Variants in PPP1R42 observed in about 807,000 individuals in gnomAD.
The protein encoded by PPP1R42 is protein phosphatase 1 regulatory subunit 42.
Under a neutral mutation model 31.0 loss-of-function variants are expected in PPP1R42, and 34 were observed. The ratio of observed to expected loss-of-function variants is 1.10; its 90% CI spans 0.83 to 1.46. The LOEUF (loss-of-function observed/expected upper bound fraction) is 1.46. PPP1R42 is among the 40% of genes most tolerant of loss of function. The probability of loss-of-function intolerance (pLI) is 0.00; values close to 1 mark genes in which losing one functional copy is unlikely to be tolerated. For missense variants in PPP1R42, 268 were observed against 303.0 expected, an observed-to-expected ratio of 0.88 and a Z score of 0.86; for synonymous variants, 103 against 109.8, an observed-to-expected ratio of 0.94 and a Z score of 0.39.
chr8:67,002,712 T>C (rs2129536621), intron 5 of PPP1R42, among the ~76,000 whole-genome samples: 1 of 150,784 alleles, frequency 6.6e-6, no homozygotes, highest in Non-Finnish European at 1.5e-5. Flanking sequence ...GCTTGCTCTG[T>C]TGCCCCCGCT....
At chr8:67,020,430 A>G (rs1816179723) in intron 1 of PPP1R42, among the ~76,000 whole-genome samples, 1 of 151,998 alleles carries the variant, frequency 6.6e-6, no homozygotes, top group South Asian at 2.1e-4. Context: ...CGAACTCCTG[A>G]CCTCAGGTGA....
At chr8:66,978,818 T>C (rs1165046296) in intron 7 of PPP1R42, among the ~76,000 whole-genome samples, 1 of 152,228 alleles carries the variant, frequency 6.6e-6, no homozygotes, top group Non-Finnish European at 1.5e-5. Context: ...TTAAGTGATA[T>C]TGGGCATATC....
chr8:67,003,098 G>A (rs1478167507), intron 5 of PPP1R42, among the ~76,000 whole-genome samples: 2 of 148,890 alleles, frequency 1.3e-5, no homozygotes, highest in African/African-American at 4.9e-5. Context: ...CCCCGGAGGC[G>A]GAGGTTGCAG....
At chr8:66,984,493 G>T in intron 6 of PPP1R42, 1 of 1,234,790 alleles carries the variant, frequency 8.1e-7, no homozygotes, top group Non-Finnish European at 1.2e-6. Flanking sequence ...CAGTTGCCCA[G>T]CATTGGCCTC....
At position 66,986,018 on chromosome 8, in the gene PPP1R42, C is replaced by G. The variant is rs920471166; in HGVS notation, c.670+2382G>C. On this transcript the variant is annotated intron_variant, in intron 6 of 7. Transcript: ENST00000685739. ...AATGCCTAGAGCTTCCGCCTTCCTCCTACAGCCTCAGTTTGTCCACAAATC... is the reference window on the plus strand; with the variant it reads ...AATGCCTAGAGCTTCCGCCTTCCTCGTACAGCCTCAGTTTGTCCACAAATC... The G allele has an allele frequency of 4.0e-6, 3 of 749,406 alleles. No individual in the cohort carries two copies. The African/African-American group carries it at 5.1e-5, about 13-fold the overall frequency. The allele number at this position is 749,406 out of a possible 1,614,324, so 46.4% of individuals were successfully genotyped here.
intron 3 of PPP1R42, among the ~76,000 whole-genome samples, chr8:67,014,019 G>A (rs1815924339): frequency 6.6e-6 from 1 of 152,178 alleles, no homozygotes; most frequent in Non-Finnish European, 1.5e-5. Context: ...GATGGTATGA[G>A]ATATATGATT....
chr8:66,988,632 G>A lies in PPP1R42; in HGVS notation c.553-115C>T, dbSNP rs978096246. 1.8e-5 allele frequency: 16 copies of A among 890,802 alleles called. No individual in the cohort carries two copies. In the African/African-American group the frequency reaches 2.6e-4, roughly 14 times the overall value. 55.2% of individuals were successfully genotyped at this position (890,802 alleles called of 1,614,324 possible). ...TGCTTTCATGGAGTTCTAGCTCAGA[G>A]CCAGGTACTTAGAAGGTGCATAATA... is the stretch of plus-strand genomic sequence containing the variant. On this transcript the variant is annotated intron_variant, in intron 5 of 7. Transcript: ENST00000685739.
In PPP1R42 at chr8:67,017,664, C is replaced by A; in HGVS notation, c.84G>T (p.Lys28Asn). The A allele has an allele frequency of 6.3e-7, 1 of 1,592,548 alleles. No homozygotes were observed. Among genetic ancestry groups the A allele is most frequent in the Non-Finnish European group, 8.5e-7 (1 of 1,170,164 alleles). Reference sequence around the variant, plus strand: ...CTGAAAAATTTATATGAGTTATTTTCTTCAGGCACTGTGAAATGGTTTCTT... The same window carrying A: ...CTGAAAAATTTATATGAGTTATTTTATTCAGGCACTGTGAAATGGTTTCTT... ...RKEETISQCL[K>N]KITHINFSDK... The change falls in exon 2 of 8, where the codon AAG becomes AAT. Residue 28 changes from lysine (K) to asparagine (N), a missense_variant. Coordinates refer to ENST00000685739, the MANE Select transcript of PPP1R42 (RefSeq NM_001364910.1).
chr8:66,970,778 A>C, intron 7 of PPP1R42: 1 of 569,270 alleles, frequency 1.8e-6, no homozygotes, highest in South Asian at 1.5e-5. Context: ...TTCTGGAAAC[A>C]CCCCTTCCCA....
rs1015786711 is a variant in PPP1R42 at position 66,987,980 on chromosome 8, C to T, written c.670+420G>A. Among the ~76,000 whole-genome samples the T allele has an allele frequency of 2.0e-5, 3 of 152,080 alleles. No homozygotes were observed. The South Asian group carries it at 6.2e-4, about 31-fold the overall frequency. ...CTCTCCTATCAAACGAAAGGGATTC[C>T]TGTATGTTCTTAGGGTAACATTTGG... On this transcript the variant is annotated intron_variant, in intron 6 of 7. Coordinates refer to ENST00000685739, the MANE Select transcript of PPP1R42 (RefSeq NM_001364910.1).
chr8:67,002,463 T>C (rs1213059243), intron 5 of PPP1R42, among the ~76,000 whole-genome samples: 1 of 152,158 alleles, frequency 6.6e-6, no homozygotes, highest in Non-Finnish European at 1.5e-5. Flanking sequence ...CCTCCCAAAG[T>C]GTTGGGATTA....
chr8:66,977,235 C>T (rs182838111), intron 7 of PPP1R42, among the ~76,000 whole-genome samples: 7 of 151,848 alleles, frequency 4.6e-5, no homozygotes, highest in Non-Finnish European at 8.8e-5. Context: ...GAGGTTTCAC[C>T]ATCTTGGCTA....
intron 4 of PPP1R42, among the ~76,000 whole-genome samples, chr8:67,011,533 A>C (rs1430441307): frequency 6.6e-6 from 1 of 152,242 alleles, no homozygotes; most frequent in Non-Finnish European, 1.5e-5. Flanking sequence ...TTGTGCTTAC[A>C]TAGGAAGAAA....
chr8:67,016,757 A>T (rs1391009380), intron 2 of PPP1R42, among the ~76,000 whole-genome samples: 1 of 152,190 alleles, frequency 6.6e-6, no homozygotes, highest in Non-Finnish European at 1.5e-5. Flanking sequence ...ACGCTTAGCC[A>T]GGATAAATTC....
intron 5 of PPP1R42, among the ~76,000 whole-genome samples, chr8:66,994,499 T>C (rs1376240293): frequency 6.6e-6 from 1 of 152,232 alleles, no homozygotes; most frequent in Non-Finnish European, 1.5e-5. Context: ...TTCAAAGTTG[T>C]TTAACCATCC....
chr8:67,012,749 G>C (rs1332777016), intron 4 of PPP1R42: 3 of 399,476 alleles, frequency 7.5e-6, no homozygotes, highest in Non-Finnish European at 1.3e-5. Context: ...GTTACCCAAA[G>C]AGGCAGGTTT....
chr8:66,977,794 C>T (rs747461454), intron 7 of PPP1R42, among the ~76,000 whole-genome samples: 10 of 152,286 alleles, frequency 6.6e-5, no homozygotes, highest in East Asian at 1.9e-4. Context: ...GCATGAGCCA[C>T]CTCGCTTGGC....
intron 5 of PPP1R42, among the ~76,000 whole-genome samples, chr8:66,998,149 C>A (rs546321847): frequency 9.3e-4 from 141 of 152,122 alleles, no homozygotes; most frequent in African/African-American, 3.1e-3. Context: ...TCTATTAAAA[C>A]AAAAAATCAA....
At chr8:67,017,524 A>G in intron 2 of PPP1R42, 95 bp downstream of exon 2, 1 of 661,738 alleles carries the variant, frequency 1.5e-6, no homozygotes, top group Non-Finnish European at 2.3e-6. Flanking sequence ...AAGAATAATG[A>G]AAATATAGTT....
Sources: allele counts gnomAD v4.1 joint callset (sites outside exome capture counted in the v4.1 genomes callset), GRCh38; gene constraint gnomAD v4.1.1; transcripts MANE v1.5; gene names NCBI Gene and HGNC (gene_info 2026-07-23, HGNC 2026-07-21).